MMP15: variants seen among roughly 807,000 people sequenced by gnomAD.
MMP15 encodes matrix metalloproteinase-15.
Under a neutral mutation model 65.0 loss-of-function variants are expected in MMP15, and 36 were observed. That is an observed-to-expected ratio of 0.55 (90% confidence interval 0.42 to 0.73). MMP15 has a LOEUF of 0.73. Among genes scored for constraint, MMP15 ranks in the 30% least tolerant of loss-of-function variants. The pLI is 0.00. For missense variants in MMP15, 870 were observed against 987.8 expected (o/e 0.88, Z 1.60); for synonymous variants, 428 against 410.2 (o/e 1.04, Z -0.52).
At chr16:58,036,608 C>A (rs895802410) in intron 1 of MMP15, among the ~76,000 whole-genome samples, 19 of 152,220 alleles carry the variant, frequency 1.2e-4, no homozygotes, top group African/African-American at 4.6e-4. Flanking sequence ...CCATGGTTCC[C>A]CATTCTATAG....
chr16:58,037,578 A>G lies in MMP15; in HGVS notation c.269A>G (p.Tyr90Cys). Residue 90 changes from tyrosine to cysteine, a missense_variant, in exon 2 of 10, where the codon TAC becomes TGC. Physicochemically the swap from Tyr to Cys is radical, Grantham distance 194. Transcript: ENST00000219271. ...ASALAEMQRF[Y>C]GIPVTGVLDE... ...GCCCTTGCAGAGATGCAGCGCTTCT[A>G]CGGGATCCCAGTCACCGGTGTGCTC... The G allele has an allele frequency of 1.9e-6, 3 of 1,614,132 alleles. No homozygotes were observed. Among genetic ancestry groups the G allele is most frequent in the Middle Eastern group, 1.7e-4 (1 of 6,060 alleles).
At chr16:58,041,933 C>T (rs1959466481) in intron 6 of MMP15, 63 bp downstream of exon 6, 1 of 1,505,578 alleles carries the variant, frequency 6.6e-7, no homozygotes, top group Non-Finnish European at 8.9e-7. Context: ...GGCCCCCTGT[C>T]CCACCCTCAC....
chr16:58,028,875 C>T (rs949154018), intron 1 of MMP15, among the ~76,000 whole-genome samples: 1 of 152,238 alleles, frequency 6.6e-6, no homozygotes, highest in Non-Finnish European at 1.5e-5. Flanking sequence ...CCCACATTCT[C>T]CCTTGGATGT....
chr16:58,041,144 GAA>G (rs1959442908), intron 5 of MMP15, among the ~76,000 whole-genome samples: 1 of 152,170 alleles, frequency 6.6e-6, no homozygotes, highest in African/African-American at 2.4e-5. Context: ...GCCCACCCGA[GAA>G]AGTCTCCAGC....
rs777068589 is a variant in MMP15 at position 58,037,432 on chromosome 16, A to G, written c.163-40A>G. ...CAGGCTGTGCATGTTTGGAGGTAGC[A>G]GTGCCAGGACCTGCTGACAGAGTTG... On this transcript the variant is annotated intron_variant, in intron 1 of 9. Coordinates refer to ENST00000219271, the MANE Select transcript of MMP15 (RefSeq NM_002428.4). The G allele has an allele frequency of 3.1e-6, 5 of 1,604,244 alleles. No individual in the cohort carries two copies. The South Asian group carries it at 5.6e-5, about 18-fold the overall frequency.
chr16:58,034,015 C>T lies in MMP15; in HGVS notation c.163-3457C>T, dbSNP rs114423469. Among the ~76,000 whole-genome samples, 1,278 of 152,376 alleles carry T rather than the reference C, an allele frequency of 8.4e-3. 15 individuals are homozygous for T. The highest frequency in any genetic ancestry group is 0.028 in the African/African-American group (1,151 of 41,598). ...CTCATGGCCCCAGAGCTCTCCTTCC[C>T]TCCCATTGGACAGTGGCCTTGGTGG... On this transcript the variant is annotated intron_variant, in intron 1 of 9. Coordinates refer to ENST00000219271, the MANE Select transcript of MMP15 (RefSeq NM_002428.4).
intron 9 of MMP15, among the ~76,000 whole-genome samples, chr16:58,044,216 C>T (rs528379379): frequency 2.0e-5 from 3 of 152,166 alleles, no homozygotes; most frequent in Non-Finnish European, 4.4e-5. Flanking sequence ...GAGGCCGATG[C>T]GAGAGGATCG....
intron 1 of MMP15, among the ~76,000 whole-genome samples, chr16:58,031,545 C>G (rs918354881): frequency 6.6e-6 from 1 of 152,174 alleles, no homozygotes; most frequent in East Asian, 1.9e-4. Context: ...GAGGCCTCTT[C>G]ACCCCGCGCG....
At position 58,026,517 on chromosome 16, in the gene MMP15, G is replaced by T; in HGVS notation, c.162+5G>T. On this transcript the variant is annotated splice_donor_5th_base_variant and intron_variant, in intron 1 of 9. Transcript: ENST00000219271. ...GACGCGGAGGTCCATGCCGAGGTAAGACCCCCGCCCTGCCCTTTGGCTGCG... is the reference window on the plus strand; with the variant it reads ...GACGCGGAGGTCCATGCCGAGGTAATACCCCCGCCCTGCCCTTTGGCTGCG... The T allele has an allele frequency of 7.5e-7, 1 of 1,341,502 alleles. No homozygotes were observed. The allele number at this position is 1,341,502 out of a possible 1,614,324, so 83.1% of individuals were successfully genotyped here.
rs774601548 is a variant in MMP15 at position 58,041,708 on chromosome 16, T to A, written c.1002T>A (p.Pro334=). The change falls in exon 6 of 10, where the codon CCT becomes CCA. Residue 334 remains proline (P), a synonymous_variant. Coordinates refer to ENST00000219271, the MANE Select transcript of MMP15 (RefSeq NM_002428.4). ...GGCCTGACCACCGGCCGCCCCGGCC[T>A]CCCCAGCCACCACCCCCAGGTGGGA... is the stretch of plus-strand genomic sequence containing the variant. The part of the protein sequence containing the change: ...PGRPDHRPPR[P]PQPPPPGGKP... The A allele has an allele frequency of 6.3e-7, 1 of 1,583,744 alleles. No homozygotes were observed. The highest frequency in any genetic ancestry group is 1.8e-5 in the Admixed American group (1 of 55,906).
intron 1 of MMP15, among the ~76,000 whole-genome samples, chr16:58,030,223 C>T (rs561606192): frequency 3.3e-5 from 5 of 152,278 alleles, no homozygotes; most frequent in Admixed American, 1.3e-4. Context: ...CTTTACAAAG[C>T]GGGTCCTGGG....
rs745883839 is a variant in MMP15 at position 58,037,510 on chromosome 16, C to T, written c.201C>T (p.Ser67=). The T allele has an allele frequency of 1.2e-5, 20 of 1,613,956 alleles. No homozygotes were observed. The highest frequency in any genetic ancestry group is 5.0e-5 in the Admixed American group (3 of 59,996). Residue 67 remains serine, a synonymous_variant, in exon 2 of 10, where the codon AGC becomes AGT. Coordinates refer to ENST00000219271, the MANE Select transcript of MMP15 (RefSeq NM_002428.4). ...TTTATGGCTACCTGCCTCAGCCCAG[C>T]CGCCATATGTCCACCATGCGTTCCG... ...LRLYGYLPQP[S]RHMSTMRSAQ...
At position 58,046,844 on chromosome 16, in the gene MMP15, C is replaced by A. The variant is rs562550928; in HGVS notation, c.*1398C>A. ...TGGGGCTGCGGGGGTTCCGTGTCCA[C>A]CCCCATACATTTATTTCTGTAAATA... On this transcript the variant is annotated 3_prime_UTR_variant, in exon 10 of 10. Transcript: ENST00000219271. 1 of 152,694 alleles carries A rather than the reference C, an allele frequency of 6.5e-6. No homozygotes were observed. The highest frequency in any genetic ancestry group is 1.9e-4 in the East Asian group (1 of 5,168). The allele number at this position is 152,694 out of a possible 1,614,324, so 9.5% of individuals were successfully genotyped here. A position where few individuals can be genotyped will look rare whatever the true frequency, so the allele number is the denominator to read the frequency against.
At position 58,026,358 on chromosome 16, in the gene MMP15, G is replaced by A; in HGVS notation, c.8G>A (p.Ser3Asn). The A allele has an allele frequency of 7.4e-7, 1 of 1,356,950 alleles. No individual in the cohort carries two copies. Among genetic ancestry groups the A allele is most frequent in the Non-Finnish European group, 9.4e-7 (1 of 1,061,474 alleles). 84.1% of individuals were successfully genotyped at this position (1,356,950 alleles called of 1,614,324 possible). Reference protein sequence around the residue: MGSDPSAPGRPGW... With the variant: MGNDPSAPGRPGW... ...GGGCTGGGCGCCGAGAGCATGGGCA[G>A]CGACCCGAGCGCGCCCGGACGGCCG... Residue 3 changes from serine to asparagine, a missense_variant, in exon 1 of 10, where the codon AGC becomes AAC. By Grantham distance (46) the Ser-to-Asn change is conservative. Transcript: ENST00000219271.
chr16:58,035,180 A>T (rs1959306099), intron 1 of MMP15, among the ~76,000 whole-genome samples: 1 of 152,192 alleles, frequency 6.6e-6, no homozygotes, highest in South Asian at 2.1e-4. Flanking sequence ...TCCTTTAAGG[A>T]TGGTGGATCT....
Position 58,045,754 on chromosome 16 carries a change from G to A in MMP15, c.*308G>A. On this transcript the variant is annotated 3_prime_UTR_variant, in exon 10 of 10. Coordinates refer to ENST00000219271, the MANE Select transcript of MMP15 (RefSeq NM_002428.4). ...CAGCCAGGGGAGCAGAGGGGCAGAG[G>A]CCCACATTGGAAGAGCAGCACCTCC... 1 of 383,756 alleles carries A rather than the reference G, an allele frequency of 2.6e-6. No individual in the cohort carries two copies. The highest frequency in any genetic ancestry group is 5.0e-5 in the East Asian group (1 of 20,050). 23.8% of individuals were successfully genotyped at this position (383,756 alleles called of 1,614,324 possible). A position where few individuals can be genotyped will look rare whatever the true frequency, so the allele number is the denominator to read the frequency against.
At position 58,029,303 on chromosome 16, in the gene MMP15, C is replaced by T. The variant is rs112998438; in HGVS notation, c.162+2791C>T. Among the ~76,000 whole-genome samples the T allele has an allele frequency of 3.8e-4, 58 of 152,212 alleles. No homozygotes were observed. The South Asian group carries it at 8.1e-3, about 21-fold the overall frequency. Reference sequence around the variant, plus strand: ...TCTACTAGCACTTCCATGCTGGCTCCGGGGGGGCCCCACTGGTCCCCTCTT... The same window carrying T: ...TCTACTAGCACTTCCATGCTGGCTCTGGGGGGGCCCCACTGGTCCCCTCTT... On this transcript the variant is annotated intron_variant, in intron 1 of 9. Coordinates refer to ENST00000219271, the MANE Select transcript of MMP15 (RefSeq NM_002428.4).
At chr16:58,044,186 C>A (rs1959508601) in intron 9 of MMP15, among the ~76,000 whole-genome samples, 1 of 152,192 alleles carries the variant, frequency 6.6e-6, no homozygotes, top group South Asian at 2.1e-4. Context: ...TGGCTCACGC[C>A]TGTAATCCCA....
intron 1 of MMP15, among the ~76,000 whole-genome samples, chr16:58,034,089 C>A (rs1011146708): frequency 6.6e-6 from 1 of 152,264 alleles, no homozygotes; most frequent in East Asian, 1.9e-4. Flanking sequence ...CTGCCACTTA[C>A]AAGACTTTCT....
Sources: gnomAD v4.1 joint callset for allele counts (sites outside exome capture counted in the v4.1 genomes callset) on GRCh38, gnomAD v4.1.1 for gene constraint, MANE v1.5 for transcripts, NCBI Gene and HGNC (gene_info 2026-07-23, HGNC 2026-07-21) for gene names.